HS3ST4: variants seen among roughly 807,000 people sequenced by gnomAD.
The protein encoded by HS3ST4 is heparan sulfate glucosamine 3-O-sulfotransferase 4.
HS3ST4 carries 17 observed loss-of-function variants against 29.2 expected under a neutral mutation model. That is an observed-to-expected ratio of 0.58 (90% CI 0.40 to 0.87). The LOEUF (loss-of-function observed/expected upper bound fraction) is 0.87, where lower values mean the gene tolerates loss of function less well. Ranked by LOEUF, HS3ST4 falls within the 40% of genes least tolerant of loss-of-function variation. HS3ST4 has a pLI of 0.00. For missense variants in HS3ST4, 627 were observed against 634.5 expected (o/e 0.99, Z 0.13); for synonymous variants, 314 against 285.7 (o/e 1.10, Z -1.00).
In HS3ST4 at chr16:25,712,691, A is replaced by G. The variant is rs530557991; in HGVS notation, c.734+19540A>G. On this transcript the variant is annotated intron_variant, in intron 1 of 1. Coordinates refer to ENST00000331351, the MANE Select transcript of HS3ST4 (RefSeq NM_006040.3). Reference sequence around the variant, plus strand: ...GATTGTTAAAAAAAAACAAAAACCCAGAAGCCATAAAGGGAAAAGGGAAAG... The same window carrying G: ...GATTGTTAAAAAAAAACAAAAACCCGGAAGCCATAAAGGGAAAAGGGAAAG... 5.9e-5 allele frequency among the ~76,000 whole-genome samples: 9 copies of G among 152,308 alleles called. No homozygotes were observed. In the East Asian group the frequency reaches 9.6e-4, roughly 16 times the overall value.
At chr16:25,705,190 G>A (rs191847333) in intron 1 of HS3ST4, among the ~76,000 whole-genome samples, 1 of 152,256 alleles carries the variant, frequency 6.6e-6, no homozygotes, top group Admixed American at 6.5e-5. Context: ...CATGACACGG[G>A]GGCCCCCTGT....
intron 1 of HS3ST4, among the ~76,000 whole-genome samples, chr16:25,985,528 A>G (rs1442465720): frequency 6.6e-6 from 1 of 152,098 alleles, no homozygotes; most frequent in Non-Finnish European, 1.5e-5. Context: ...TTTCACCCTT[A>G]AGCTTCCATA....
At chr16:26,105,835 C>T (rs1380691567) in intron 1 of HS3ST4, among the ~76,000 whole-genome samples, 1 of 152,256 alleles carries the variant, frequency 6.6e-6, no homozygotes, top group East Asian at 1.9e-4. Flanking sequence ...AAAATCACTG[C>T]AGTGTGCACA....
At position 25,918,026 on chromosome 16, in the gene HS3ST4, G is replaced by A. The variant is rs182475992; in HGVS notation, c.735-217586G>A. On this transcript the variant is annotated intron_variant, in intron 1 of 1. Coordinates refer to ENST00000331351, the MANE Select transcript of HS3ST4 (RefSeq NM_006040.3). ...CTAACGCATCTTTTTGAGATAGGGT[G>A]GGGGGGAGCATCGTCTGTGGGCCAG... is the stretch of plus-strand genomic sequence containing the variant. Among the ~76,000 whole-genome samples the A allele has an allele frequency of 2.8e-4, 42 of 152,176 alleles. No individual in the cohort carries two copies. In the East Asian group the frequency reaches 6.9e-3, roughly 25 times the overall value.
chr16:25,877,654 C>T (rs1246554812), intron 1 of HS3ST4, among the ~76,000 whole-genome samples: 1 of 152,166 alleles, frequency 6.6e-6, no homozygotes, highest in African/African-American at 2.4e-5. Flanking sequence ...AGCATAGCCC[C>T]TGCTGACACT....
At chr16:25,697,015 C>T (rs1966302762) in intron 1 of HS3ST4, among the ~76,000 whole-genome samples, 1 of 152,202 alleles carries the variant, frequency 6.6e-6, no homozygotes, top group Non-Finnish European at 1.5e-5. Flanking sequence ...GAGATTTGAA[C>T]CTGCTGTCTA....
intron 1 of HS3ST4, among the ~76,000 whole-genome samples, chr16:25,802,959 GTGTGTA>G (rs1479264336): frequency 2.8e-3 from 354 of 126,648 alleles, no homozygotes; most frequent in Middle Eastern, 0.019. Flanking sequence ...GTGTGTGTGT[GTGTGTA>G]TATATTTCTT....
intron 1 of HS3ST4, among the ~76,000 whole-genome samples, chr16:25,954,825 T>A (rs9926540): frequency 1.3e-5 from 2 of 151,994 alleles, no homozygotes; most frequent in African/African-American, 4.8e-5. Context: ...AAATCTGAAA[T>A]ATTTCTTGTC....
chr16:25,864,997 CACACAA>C (rs1967679984), intron 1 of HS3ST4, among the ~76,000 whole-genome samples: 3 of 137,068 alleles, frequency 2.2e-5, no homozygotes, highest in Admixed American at 7.7e-5. Flanking sequence ...CACACTCACA[CACACAA>C]ACACACATAT....
At chr16:25,894,515 T>G (rs1968040726) in intron 1 of HS3ST4, among the ~76,000 whole-genome samples, 1 of 150,750 alleles carries the variant, frequency 6.6e-6, no homozygotes, top group Non-Finnish European at 1.5e-5. Flanking sequence ...TTTTTTTCAG[T>G]TTTTTTTGAG....
At chr16:26,013,282 A>G (rs1464731589) in intron 1 of HS3ST4, among the ~76,000 whole-genome samples, 1 of 152,194 alleles carries the variant, frequency 6.6e-6, no homozygotes, top group Admixed American at 6.5e-5. Flanking sequence ...ACAACTGCCC[A>G]GGTACCATTC....
intron 1 of HS3ST4, among the ~76,000 whole-genome samples, chr16:25,892,599 T>G (rs1416414661): frequency 6.6e-6 from 1 of 152,142 alleles, no homozygotes; most frequent in Non-Finnish European, 1.5e-5. Context: ...TGATTGCAGG[T>G]GACAGAAACC....
intron 1 of HS3ST4, among the ~76,000 whole-genome samples, chr16:25,986,044 C>A (rs2141725264): frequency 6.6e-6 from 1 of 152,198 alleles, no homozygotes. Flanking sequence ...TCATTCTTTT[C>A]TTTCTTTTTC....
intron 1 of HS3ST4, among the ~76,000 whole-genome samples, chr16:25,890,581 C>CT (rs1270494670): frequency 6.6e-6 from 1 of 152,156 alleles, no homozygotes; most frequent in Admixed American, 6.5e-5. Context: ...ATCAGGTACA[C>CT]TTTTTGGCTG....
chr16:25,964,719 T>A (rs1968827105), intron 1 of HS3ST4, among the ~76,000 whole-genome samples: 3 of 152,248 alleles, frequency 2.0e-5, no homozygotes, highest in Non-Finnish European at 4.4e-5. Flanking sequence ...TCTTGTATAT[T>A]TTTCTTCCAG....
rs115860990 is a variant in HS3ST4 at position 25,845,907 on chromosome 16, A to G, written c.734+152756A>G. On this transcript the variant is annotated intron_variant, in intron 1 of 1. Coordinates refer to ENST00000331351, the MANE Select transcript of HS3ST4 (RefSeq NM_006040.3). ...TATTCGGACCTTTACTCATTTTTCTATTGGGTTGTTTGTCTTTGTGTTAGG... is the reference window on the plus strand; with the variant it reads ...TATTCGGACCTTTACTCATTTTTCTGTTGGGTTGTTTGTCTTTGTGTTAGG... Among the ~76,000 whole-genome samples, 614 of 151,668 alleles carry G rather than the reference A, an allele frequency of 4.0e-3. 2 individuals are homozygous for G. Among genetic ancestry groups the G allele is most frequent in the African/African-American group, 0.013 (519 of 41,342 alleles).
chr16:26,125,665 C>A (rs117455878), intron 1 of HS3ST4, among the ~76,000 whole-genome samples: 5 of 152,206 alleles, frequency 3.3e-5, no homozygotes, highest in Non-Finnish European at 1.5e-5. Flanking sequence ...CTACATCAAG[C>A]CTTCTATGTC....
chr16:25,745,178 C>A (rs1427269368), intron 1 of HS3ST4, among the ~76,000 whole-genome samples: 1 of 151,852 alleles, frequency 6.6e-6, no homozygotes, highest in Non-Finnish European at 1.5e-5. Flanking sequence ...AATTACATAC[C>A]CAGATAAAAA....
At chr16:25,820,795 T>C (rs958220852) in intron 1 of HS3ST4, among the ~76,000 whole-genome samples, 2 of 152,058 alleles carry the variant, frequency 1.3e-5, no homozygotes, top group Admixed American at 1.3e-4. Context: ...TATCTTGAGC[T>C]CCTAGGCTCA....
Sources: allele counts gnomAD v4.1 joint callset (sites outside exome capture counted in the v4.1 genomes callset), GRCh38; gene constraint gnomAD v4.1.1; transcripts MANE v1.5; gene names NCBI Gene and HGNC (gene_info 2026-07-23, HGNC 2026-07-21).